KIF19: variants seen among roughly 807,000 people sequenced by gnomAD.
KIF19 encodes kinesin-like protein KIF19.
In KIF19, 98 loss-of-function variants were observed where a neutral mutation model predicts 106.6. That is an observed-to-expected ratio of 0.92 (90% CI 0.78 to 1.09). KIF19 has a LOEUF of 1.09. Ranked by LOEUF, KIF19 falls within the 50% of genes least tolerant of loss-of-function variation. KIF19 has a pLI of 0.00. For missense variants in KIF19, 1,373 were observed against 1,414.3 expected (o/e 0.97, Z 0.47); for synonymous variants, 516 against 584.2 (o/e 0.88, Z 1.68).
Position 74,355,195 on chromosome 17 carries a change from C to T in KIF19, c.2880C>T (p.Ser960=). The change falls in exon 20 of 20, where the codon TCC becomes TCT. Residue 960 remains serine, a synonymous_variant. Coordinates refer to ENST00000389916, the MANE Select transcript of KIF19 (RefSeq NM_153209.4). ...TCCCTGTTGCAGGCCCGGGGGACTC[C>T]TCACCCCTGGCTGTTCCCCCCAACC... ...PPSQNTGPGD[S]SPLAVPPNPG... 8 of 1,604,676 alleles carry T rather than the reference C, an allele frequency of 5.0e-6. No individual in the cohort carries two copies. The highest frequency in any genetic ancestry group is 6.8e-6 in the Non-Finnish European group (8 of 1,174,650).
intron 9 of KIF19, chr17:74,348,949 CT>C: frequency 1.8e-6 from 1 of 555,010 alleles, no homozygotes; most frequent in Non-Finnish European, 3.2e-6. Context: ...GGGGGTGGCC[CT>C]TCAACAACGG....
At chr17:74,342,850 A>G (rs2054420011) in intron 4 of KIF19, 133 bp downstream of exon 4, 1 of 1,186,154 alleles carries the variant, frequency 8.4e-7, no homozygotes, top group South Asian at 1.4e-5. Flanking sequence ...AGGGCCCTCC[A>G]GCCCCAGAGG....
At position 74,326,358 on chromosome 17, in the gene KIF19, C is replaced by G; in HGVS notation, c.9C>G (p.Asp3Glu). Residue 3 changes from aspartate (D) to glutamate (E), a missense_variant, in exon 1 of 20, where the codon GAC becomes GAG. Coordinates refer to ENST00000389916, the MANE Select transcript of KIF19 (RefSeq NM_153209.4). MK[D>E]SGDSKDQQLM... ...CTCCACCTGCTGCAATCATGAAGGACAGCGGGGACTCCAAGGACCAGCAAC... is the reference window on the plus strand; with the variant it reads ...CTCCACCTGCTGCAATCATGAAGGAGAGCGGGGACTCCAAGGACCAGCAAC... 6.2e-7 allele frequency: 1 copy of G among 1,612,566 alleles called. No individual in the cohort carries two copies. Among genetic ancestry groups the G allele is most frequent in the South Asian group, 1.1e-5 (1 of 90,976 alleles).
At chr17:74,355,130 G>A (rs904138243) in intron 19 of KIF19, 52 bp from the exon 20 acceptor site, 1 of 1,555,568 alleles carries the variant, frequency 6.4e-7, no homozygotes, top group Admixed American at 1.8e-5. Flanking sequence ...GATGGGAGAG[G>A]AGTTGGGGAG....
chr17:74,330,500 A>C (rs918020284), intron 2 of KIF19, among the ~76,000 whole-genome samples: 9 of 152,154 alleles, frequency 5.9e-5, no homozygotes, highest in African/African-American at 2.2e-4. Flanking sequence ...CTTCCAGGCA[A>C]AGCCACTCTG....
At chr17:74,338,457 G>A (rs754347402) in intron 2 of KIF19, among the ~76,000 whole-genome samples, 4 of 151,910 alleles carry the variant, frequency 2.6e-5, no homozygotes, top group East Asian at 1.9e-4. Flanking sequence ...CAAAGCCCCC[G>A]GTCCATCCTA....
In KIF19 at chr17:74,351,907, GC is replaced by G; in HGVS notation, c.1630del (p.Arg544GlyfsTer131). ...CGCTGCCGGGAGCTGCGCGCGCGGG[GC>G]CGGCGCCTGGAGGAGACGCTGCCGC... ...EQRCRELRAR[G>X]RRLEETLPRR... On this transcript the variant is annotated frameshift_variant, in exon 13 of 20. Transcript: ENST00000389916. LOFTEE classifies it high-confidence loss of function. 2.1e-6 allele frequency: 3 copies of G among 1,423,958 alleles called. No individual in the cohort carries two copies. Among genetic ancestry groups the G allele is most frequent in the Non-Finnish European group, 2.7e-6 (3 of 1,096,766 alleles). 88.2% of individuals were successfully genotyped at this position (1,423,958 alleles called of 1,614,324 possible). A position where few individuals can be genotyped will look rare whatever the true frequency, so the allele number is the denominator to read the frequency against.
chr17:74,352,522 C>G (rs73995261), intron 14 of KIF19, among the ~76,000 whole-genome samples, 182 bp downstream of exon 14: 1 of 152,336 alleles, frequency 6.6e-6, no homozygotes, highest in East Asian at 1.9e-4. Context: ...AGACCCTCCT[C>G]CTTGGGCACT....
At chr17:74,350,665 C>T (rs775813891) in intron 11 of KIF19, 42 bp from the exon 12 acceptor site, 1 of 1,611,912 alleles carries the variant, frequency 6.2e-7, no homozygotes, top group South Asian at 1.1e-5. Flanking sequence ...GCCCTGCCCC[C>T]ATGGCCTGAA....
At chr17:74,342,591 G>T (rs746932945) in intron 3 of KIF19, 39 bp from the exon 4 acceptor site, 1 of 1,537,412 alleles carries the variant, frequency 6.5e-7, no homozygotes, top group Admixed American at 1.7e-5. Context: ...GCTGTGCCCC[G>T]CCTGTGTCCC....
chr17:74,335,789 T>TC (rs966023804), intron 2 of KIF19, among the ~76,000 whole-genome samples: 20 of 152,082 alleles, frequency 1.3e-4, no homozygotes, highest in African/African-American at 4.8e-4. Flanking sequence ...GAGAATGCAT[T>TC]CCCCGGGGGG....
chr17:74,326,858 CGGAGTGCCTGGTTCTT>C (rs141207337), intron 1 of KIF19, among the ~76,000 whole-genome samples: 47,196 of 152,052 alleles, frequency 0.31, 8,749 homozygotes, highest in Admixed American at 0.49. Flanking sequence ...GGATGGGGCC[CGGAGTGCCTGGTTCTT>C]GGGCTGCAAC....
chr17:74,338,027 G>T (rs1352692244), intron 2 of KIF19, among the ~76,000 whole-genome samples: 1 of 152,266 alleles, frequency 6.6e-6, no homozygotes, highest in Non-Finnish European at 1.5e-5. Flanking sequence ...ACAGGAGCCT[G>T]GTTAGCTAAA....
rs191765746 is a variant in KIF19 at position 74,334,103 on chromosome 17, G to C, written c.120+5598G>C. ...GCCTCCCAAAGTGCTGGGATTGCAGGTGTGAGCCACTGTATCCAGTCACCT... is the reference window on the plus strand; with the variant it reads ...GCCTCCCAAAGTGCTGGGATTGCAGCTGTGAGCCACTGTATCCAGTCACCT... On this transcript the variant is annotated intron_variant, in intron 2 of 19. Coordinates refer to ENST00000389916, the MANE Select transcript of KIF19 (RefSeq NM_153209.4). 2.4e-4 allele frequency among the ~76,000 whole-genome samples: 37 copies of C among 152,264 alleles called. 2 individuals carry two copies. The highest frequency in any genetic ancestry group is 8.9e-4 in the African/African-American group (37 of 41,544).
chr17:74,350,851 C>T lies in KIF19; in HGVS notation c.1533C>T (p.Ala511=), dbSNP rs1353854684. ...TGGAGCCACCCGAGGTGGCCGCAGC[C>T]CGGGAGAGCATTGCAGCCCTGGTGG... The part of the protein sequence containing the change: ...DILEPPEVAA[A]RESIAALVDE... The change falls in exon 12 of 20, where the codon GCC becomes GCT. Residue 511 remains alanine (A), a synonymous_variant. Coordinates refer to ENST00000389916, the MANE Select transcript of KIF19 (RefSeq NM_153209.4). 6.2e-7 allele frequency: 1 copy of T among 1,613,970 alleles called. No homozygotes were observed. Among genetic ancestry groups the T allele is most frequent in the Non-Finnish European group, 8.5e-7 (1 of 1,179,900 alleles).
intron 2 of KIF19, among the ~76,000 whole-genome samples, chr17:74,338,711 T>C (rs1478206627): frequency 6.6e-6 from 1 of 151,880 alleles, no homozygotes; most frequent in Non-Finnish European, 1.5e-5. Context: ...ACACGTAGAA[T>C]GCTGAGGGAG....
chr17:74,347,782 T>C lies in KIF19; in HGVS notation c.930T>C (p.Ser310=), dbSNP rs761164867. ...CACAGCCACCTCCCATCCAGGACTC[T>C]CTGGGAGGAAACAGCCGCACAGTGA... ...DSKLTRLLKD[S]LGGNSRTVMI... Residue 310 remains serine, a synonymous_variant, in exon 9 of 20, where the codon TCT becomes TCC. Coordinates refer to ENST00000389916, the MANE Select transcript of KIF19 (RefSeq NM_153209.4). The C allele has an allele frequency of 5.7e-6, 9 of 1,588,820 alleles. No individual in the cohort carries two copies. The Middle Eastern group carries it at 8.3e-4, about 146-fold the overall frequency.
At chr17:74,343,938 C>G (rs111732529) in intron 5 of KIF19, among the ~76,000 whole-genome samples, 33 of 152,136 alleles carry the variant, frequency 2.2e-4, no homozygotes, top group South Asian at 2.1e-4. Context: ...CACTCAGGAC[C>G]CTGCCCGGTG....
At chr17:74,344,154 C>A in intron 5 of KIF19, 69 bp from the exon 6 acceptor site, 1 of 1,461,856 alleles carries the variant, frequency 6.8e-7, no homozygotes, top group Non-Finnish European at 9.3e-7. Context: ...GGAAAGGGGA[C>A]TCAGCCCTGG....
Sources: gnomAD v4.1 joint callset for allele counts (sites outside exome capture counted in the v4.1 genomes callset) on GRCh38, gnomAD v4.1.1 for gene constraint, MANE v1.5 for transcripts, NCBI Gene and HGNC (gene_info 2026-07-23, HGNC 2026-07-21) for gene names.